KCTD10: variants seen among roughly 807,000 people sequenced by gnomAD.
KCTD10 encodes the protein potassium channel tetramerization domain containing 10.
Under a neutral mutation model 34.6 loss-of-function variants are expected in KCTD10, and 13 were observed. That is an observed-to-expected ratio of 0.38 (90% CI 0.24 to 0.60). The LOEUF is 0.60. Among genes scored for constraint, KCTD10 ranks in the 20% least tolerant of loss-of-function variants. The pLI is 0.66. For missense variants in KCTD10, 256 were observed against 420.3 expected (o/e 0.61, Z 3.42); for synonymous variants, 156 against 168.8 (o/e 0.92, Z 0.59).
In KCTD10 at chr12:109,450,726, C is replaced by T. The variant is rs1161160669; in HGVS notation, c.*869G>A. 1.0e-5 allele frequency: 2 copies of T among 191,298 alleles called. No individual in the cohort carries two copies. Among genetic ancestry groups the T allele is most frequent in the Non-Finnish European group, 2.1e-5 (2 of 93,930 alleles). The allele number at this position is 191,298 out of a possible 1,614,324, so 11.9% of individuals were successfully genotyped here. A position where few individuals can be genotyped will look rare whatever the true frequency, so the allele number is the denominator to read the frequency against. ...GGGAGGGGTAGTTTATGAGCTATGC[C>T]TGTCACAGGGTCAGATGGCCTTCCT... On this transcript the variant is annotated 3_prime_UTR_variant, in exon 7 of 7. Transcript: ENST00000228495.
In KCTD10 at chr12:109,460,905, G is replaced by A. The variant is rs1031285721; in HGVS notation, c.218-100C>T. 1.5e-5 allele frequency: 18 copies of A among 1,221,960 alleles called. No homozygotes were observed. The highest frequency in any genetic ancestry group is 4.5e-5 in the African/African-American group (3 of 66,544). 75.7% of individuals were successfully genotyped at this position (1,221,960 alleles called of 1,614,324 possible). On this transcript the variant is annotated intron_variant, in intron 2 of 6. Transcript: ENST00000228495. This position sits in a 1 kb window ranked among gnomAD's most constrained non-coding sequence, Gnocchi z 4.5. ...CTCTCGGCTCCCTCTACCTCCCAGCGGAGAGCGGGACTGCCTGGAGAATGG... is the reference window on the plus strand; with the variant it reads ...CTCTCGGCTCCCTCTACCTCCCAGCAGAGAGCGGGACTGCCTGGAGAATGG...
chr12:109,468,905 G>A (rs1031166262), intron 2 of KCTD10, among the ~76,000 whole-genome samples: 1 of 152,084 alleles, frequency 6.6e-6, no homozygotes, highest in African/African-American at 2.4e-5. Context: ...GCCCGCCTCA[G>A]CTTCCCAAAG....
chr12:109,450,332 G>C lies in KCTD10; in HGVS notation c.*1263C>G. ...AACACCCGTCCTACATAGGCGCTGC[G>C]CCCAGCCGGGCTCCAGCAGGGGCCG... On this transcript the variant is annotated 3_prime_UTR_variant, in exon 7 of 7. Coordinates refer to ENST00000228495, the MANE Select transcript of KCTD10 (RefSeq NM_031954.5). 1 of 376,534 alleles carries C rather than the reference G, an allele frequency of 2.7e-6. No homozygotes were observed. The highest frequency in any genetic ancestry group is 4.6e-6 in the Non-Finnish European group (1 of 218,036). 23.3% of individuals were successfully genotyped at this position (376,534 alleles called of 1,614,324 possible).
Position 109,449,668 on chromosome 12 carries a change from GT to G in KCTD10, c.*1926del, listed in dbSNP as rs1437199389. Reference sequence around the variant, plus strand: ...TTGAACCCAGGAGGCACAAGTTGTGGTAAGTGGAGATGGTGCCACTACACTC... The same window carrying G: ...TTGAACCCAGGAGGCACAAGTTGTGGAAGTGGAGATGGTGCCACTACACTC... On this transcript the variant is annotated 3_prime_UTR_variant, in exon 7 of 7. Transcript: ENST00000228495. The G allele has an allele frequency of 1.3e-5, 2 of 152,072 alleles. No individual in the cohort carries two copies. Among genetic ancestry groups the G allele is most frequent in the African/African-American group, 4.8e-5 (2 of 41,342 alleles). 9.4% of individuals were successfully genotyped at this position (152,072 alleles called of 1,614,324 possible).
At chr12:109,452,454 G>T (rs757428137) in intron 6 of KCTD10, among the ~76,000 whole-genome samples, 5 of 152,208 alleles carry the variant, frequency 3.3e-5, no homozygotes, top group Non-Finnish European at 7.3e-5. Flanking sequence ...CAGGGTTAAG[G>T]TGTGATGAAC....
In KCTD10 at chr12:109,467,656, T is replaced by C. The variant is rs114047659; in HGVS notation, c.217+1859A>G. Among the ~76,000 whole-genome samples the C allele has an allele frequency of 2.7e-3, 406 of 152,104 alleles. 1 individual carries two copies. Among genetic ancestry groups the C allele is most frequent in the African/African-American group, 9.5e-3 (394 of 41,510 alleles). On this transcript the variant is annotated intron_variant, in intron 2 of 6. Coordinates refer to ENST00000228495, the MANE Select transcript of KCTD10 (RefSeq NM_031954.5). ...GAAAAGAATGCCCCATAAAATGCCA[T>C]ACCATTAGCTTTTCATAATGATATG...
rs191388591 is a variant in KCTD10 at position 109,458,656 on chromosome 12, G to A, written c.388-578C>T. 9.8e-4 allele frequency: 150 copies of A among 153,766 alleles called. 1 individual carries two copies. The highest frequency in any genetic ancestry group is 3.3e-3 in the African/African-American group (139 of 41,532). The allele number at this position is 153,766 out of a possible 1,614,324, so 9.5% of individuals were successfully genotyped here. A position where few individuals can be genotyped will look rare whatever the true frequency, so the allele number is the denominator to read the frequency against. ...GCCATCTTCCTGCAGTGGTTTGCAC[G>A]GTAGAGGACAGGGCTGAGCTGCGAT... On this transcript the variant is annotated intron_variant, in intron 3 of 6. Transcript: ENST00000228495.
At chr12:109,469,839 C>T in intron 1 of KCTD10, 111 bp from the exon 2 acceptor site, 1 of 1,481,916 alleles carries the variant, frequency 6.7e-7, no homozygotes, top group Non-Finnish European at 9.0e-7. Context: ...GCATACACAG[C>T]ATTTAAAAGT....
At chr12:109,457,385 A>AT in intron 5 of KCTD10, 6 of 411,666 alleles carry the variant, frequency 1.5e-5, no homozygotes, top group Non-Finnish European at 2.2e-5. Flanking sequence ...ACAACTTGTG[A>AT]ATATATAAAA....
chr12:109,455,410 CT>C (rs1304791809), intron 6 of KCTD10: 1 of 151,960 alleles, frequency 6.6e-6, no homozygotes, highest in Non-Finnish European at 1.5e-5. Flanking sequence ...AAAAAAGACT[CT>C]GGTTTCTACT....
At chr12:109,466,619 G>A (rs1873604432) in intron 2 of KCTD10, among the ~76,000 whole-genome samples, 1 of 152,174 alleles carries the variant, frequency 6.6e-6, no homozygotes, top group East Asian at 1.9e-4. Flanking sequence ...CTTGCACACA[G>A]TACAAAACTC....
At chr12:109,467,298 C>A (rs753358527) in intron 2 of KCTD10, among the ~76,000 whole-genome samples, 1 of 152,226 alleles carries the variant, frequency 6.6e-6, no homozygotes, top group African/African-American at 2.4e-5. Flanking sequence ...ATCCACCCCT[C>A]GAAGGGTTAT....
chr12:109,459,430 G>A (rs997684121), intron 3 of KCTD10: 9 of 152,190 alleles, frequency 5.9e-5, no homozygotes, highest in Non-Finnish European at 8.8e-5. Flanking sequence ...CGCTGAGAAC[G>A]TGGGGCTGAA....
In KCTD10 at chr12:109,449,819, GT is replaced by G. The variant is rs1872672253; in HGVS notation, c.*1775del. 7.5e-6 allele frequency: 1 copy of G among 133,424 alleles called. No homozygotes were observed. 8.3% of individuals were successfully genotyped at this position (133,424 alleles called of 1,614,324 possible). A position where few individuals can be genotyped will look rare whatever the true frequency, so the allele number is the denominator to read the frequency against. On this transcript the variant is annotated 3_prime_UTR_variant, in exon 7 of 7. Transcript: ENST00000228495. ...TCAACCCAAAAGAAAGACAGGGTTG[GT>G]GTTTAACACTTAAACAGTATAAAAT... is the stretch of plus-strand genomic sequence containing the variant.
At chr12:109,471,031 A>T in intron 1 of KCTD10, 1 of 805,092 alleles carries the variant, frequency 1.2e-6, no homozygotes, top group Non-Finnish European at 1.5e-6. Flanking sequence ...CAATGCAACA[A>T]GGAAATAAAC....
At chr12:109,472,196 C>T (rs981041936) in intron 1 of KCTD10, among the ~76,000 whole-genome samples, 4 of 151,888 alleles carry the variant, frequency 2.6e-5, no homozygotes, top group African/African-American at 9.7e-5. Flanking sequence ...ACTTTTGGAC[C>T]CTTTTGTAAT....
intron 2 of KCTD10, among the ~76,000 whole-genome samples, chr12:109,462,877 G>A (rs1873407633): frequency 6.6e-6 from 1 of 152,176 alleles, no homozygotes; most frequent in African/African-American, 2.4e-5. Context: ...GGGCCTGCAG[G>A]CTACCAGCTT....
intron 1 of KCTD10, among the ~76,000 whole-genome samples, chr12:109,474,759 T>C (rs1874069113): frequency 6.6e-6 from 1 of 152,118 alleles, no homozygotes; most frequent in Non-Finnish European, 1.5e-5. Context: ...AGGAAGCAAC[T>C]GTATGCATGC....
chr12:109,450,061 TC>T lies in KCTD10; in HGVS notation c.*1533del. ...CACAGGCAGGGCAGTAAGTACAAAG[TC>T]TAAGCTGTAAAAACCGTTTGAAAAT... On this transcript the variant is annotated 3_prime_UTR_variant, in exon 7 of 7. Transcript: ENST00000228495. 1 of 387,980 alleles carries T rather than the reference TC, an allele frequency of 2.6e-6. No homozygotes were observed. 24.0% of individuals were successfully genotyped at this position (387,980 alleles called of 1,614,324 possible).
Sources: gnomAD v4.1 joint callset for allele counts (sites outside exome capture counted in the v4.1 genomes callset) on GRCh38, gnomAD v4.1.1 for gene constraint, Gnocchi (gnomAD v3.1) non-coding constraint, MANE v1.5 for transcripts, NCBI Gene and HGNC (gene_info 2026-07-23, HGNC 2026-07-21) for gene names.